The following FGGY variants were observed in gnomAD, a reference collection of about 807,000 sequenced individuals.
FGGY encodes the protein FGGY carbohydrate kinase domain-containing protein.
In FGGY, 72 loss-of-function variants were observed where a neutral mutation model predicts 71.3. That is an observed-to-expected ratio of 1.01 (90% confidence interval 0.84 to 1.23). The LOEUF (loss-of-function observed/expected upper bound fraction) is 1.23. Among genes scored for constraint, FGGY ranks in the 50% most tolerant of loss-of-function variants. The pLI is 0.00. For synonymous variants in FGGY, 251 were observed against 250.3 expected (o/e 1.00, Z -0.02); for missense variants, 668 against 682.3 (o/e 0.98, Z 0.23).
At chr1:59,471,373 C>T (rs1015883608) in intron 6 of FGGY, among the ~76,000 whole-genome samples, 5 of 152,156 alleles carry the variant, frequency 3.3e-5, no homozygotes, top group Non-Finnish European at 7.3e-5. Flanking sequence ...TACACAGTCT[C>T]AGGTATTTCT....
intron 14 of FGGY, among the ~76,000 whole-genome samples, chr1:59,721,695 A>G (rs2097897697): frequency 6.6e-6 from 1 of 152,158 alleles, no homozygotes; most frequent in South Asian, 2.1e-4. Context: ...AACATCTTAC[A>G]TTAGTATGGT....
At position 59,653,002 on chromosome 1, in the gene FGGY, A is replaced by G. The variant is rs1455267754; in HGVS notation, c.1222-7217A>G. Among the ~76,000 whole-genome samples the G allele has an allele frequency of 6.6e-5, 10 of 151,624 alleles. No individual in the cohort carries two copies. The South Asian group carries it at 1.0e-3, about 16-fold the overall frequency. On this transcript the variant is annotated intron_variant, in intron 11 of 15. Coordinates refer to ENST00000303721, the MANE Select transcript of FGGY (RefSeq NM_018291.5). ...GACCCTCAGCTGCAGGTCTGTTGGAATACCCTGCCGTGTGAGGTGTCAGTG... is the reference window on the plus strand; with the variant it reads ...GACCCTCAGCTGCAGGTCTGTTGGAGTACCCTGCCGTGTGAGGTGTCAGTG...
At chr1:59,560,180 C>A (rs1234848287) in intron 8 of FGGY, among the ~76,000 whole-genome samples, 1 of 152,148 alleles carries the variant, frequency 6.6e-6, no homozygotes, top group East Asian at 1.9e-4. Flanking sequence ...TTGTGTTCAT[C>A]CCCCAATCCT....
chr1:59,345,177 C>T (rs1047492645), intron 3 of FGGY, among the ~76,000 whole-genome samples: 1 of 152,180 alleles, frequency 6.6e-6, no homozygotes, highest in Non-Finnish European at 1.5e-5. Context: ...GACAAACACA[C>T]ATTACAAACA....
chr1:59,373,932 A>T (rs1030832793), intron 4 of FGGY, among the ~76,000 whole-genome samples: 2 of 152,230 alleles, frequency 1.3e-5, no homozygotes, highest in African/African-American at 2.4e-5. Flanking sequence ...TAAACGTTAG[A>T]CCTAAAACCA....
At chr1:59,422,910 A>G (rs2065708571) in intron 5 of FGGY, among the ~76,000 whole-genome samples, 1 of 152,188 alleles carries the variant, frequency 6.6e-6, no homozygotes, top group African/African-American at 2.4e-5. Context: ...TGCAATGATT[A>G]TTACCCAATT....
At position 59,481,727 on chromosome 1, in the gene FGGY, A is replaced by G. The variant is rs377544167; in HGVS notation, c.670+24651A>G. On this transcript the variant is annotated intron_variant, in intron 6 of 15. Coordinates refer to ENST00000303721, the MANE Select transcript of FGGY (RefSeq NM_018291.5). Reference sequence around the variant, plus strand: ...AGACATACCGTTGTACAATGTCATTATTTTAGGTATTGTATTTGCAAGGCC... The same window carrying G: ...AGACATACCGTTGTACAATGTCATTGTTTTAGGTATTGTATTTGCAAGGCC... Among the ~76,000 whole-genome samples the G allele has an allele frequency of 1.4e-3, 208 of 152,168 alleles. 3 individuals carry two copies. Among genetic ancestry groups the G allele is most frequent in the African/African-American group, 4.9e-3 (204 of 41,520 alleles).
At chr1:59,640,613 T>C (rs1012012026) in intron 11 of FGGY, among the ~76,000 whole-genome samples, 16 of 142,228 alleles carry the variant, frequency 1.1e-4, no homozygotes, top group Non-Finnish European at 4.5e-5. Flanking sequence ...AACGTTTCCC[T>C]GGACACAGAG....
intron 14 of FGGY, among the ~76,000 whole-genome samples, chr1:59,720,633 G>T (rs2097882763): frequency 6.6e-6 from 1 of 152,174 alleles, no homozygotes; most frequent in African/African-American, 2.4e-5. Flanking sequence ...CATGCCTTAG[G>T]CATCTTCCAG....
chr1:59,600,407 A>G (rs1051768497), intron 8 of FGGY, among the ~76,000 whole-genome samples: 5 of 152,214 alleles, frequency 3.3e-5, no homozygotes, highest in Admixed American at 2.6e-4. Context: ...GGAGCTCAGG[A>G]GCAAGGCCTG....
intron 2 of FGGY, among the ~76,000 whole-genome samples, chr1:59,325,661 T>C (rs1439625203): frequency 6.6e-6 from 1 of 152,198 alleles, no homozygotes; most frequent in Non-Finnish European, 1.5e-5. Context: ...ACAAATTAGG[T>C]GCTCAATTAA....
At chr1:59,673,453 G>C (rs76592348) in intron 13 of FGGY, among the ~76,000 whole-genome samples, 266 of 152,306 alleles carry the variant, frequency 1.7e-3, no homozygotes, top group Non-Finnish European at 3.1e-3. Context: ...ATATCAGAGA[G>C]GGAGAAGTGG....
chr1:59,452,004 C>CT (rs2072850697), intron 5 of FGGY, among the ~76,000 whole-genome samples: 1 of 151,714 alleles, frequency 6.6e-6, no homozygotes, highest in Admixed American at 6.6e-5. Context: ...GGGCTTAAAT[C>CT]TTACTTCAGT....
At chr1:59,483,240 A>G (rs1335450905) in intron 6 of FGGY, among the ~76,000 whole-genome samples, 1 of 152,160 alleles carries the variant, frequency 6.6e-6, no homozygotes, top group Non-Finnish European at 1.5e-5. Flanking sequence ...GAAAATTCTC[A>G]ACATGAATGG....
chr1:59,382,527 T>C (rs1312731460), intron 5 of FGGY, among the ~76,000 whole-genome samples: 1 of 152,186 alleles, frequency 6.6e-6, no homozygotes, highest in Non-Finnish European at 1.5e-5. Flanking sequence ...TTAGTCACCA[T>C]TATGGTTATC....
chr1:59,337,048 C>CATATATATATATAT (rs35698016), intron 2 of FGGY, among the ~76,000 whole-genome samples: 30 of 142,018 alleles, frequency 2.1e-4, no homozygotes, highest in African/African-American at 7.9e-4. Context: ...TGTATATAGT[C>CATATATATATATAT]ATATATATAT....
intron 6 of FGGY, among the ~76,000 whole-genome samples, chr1:59,505,196 T>C (rs1348723112): frequency 6.6e-6 from 1 of 152,206 alleles, no homozygotes; most frequent in Non-Finnish European, 1.5e-5. Context: ...ATGTAATAAC[T>C]ACAAGATGGC....
chr1:59,582,070 G>A (rs1312188414), intron 8 of FGGY, among the ~76,000 whole-genome samples: 1 of 149,292 alleles, frequency 6.7e-6, no homozygotes, highest in Non-Finnish European at 1.5e-5. Context: ...GCAACATAGT[G>A]AGACCCTTCT....
rs142219407 is a variant in FGGY, at chr1:59,548,348, G to A, written c.800-5776G>A. Among the ~76,000 whole-genome samples the A allele has an allele frequency of 8.5e-5, 13 of 152,266 alleles. No homozygotes were observed. In the East Asian group the frequency reaches 2.3e-3, roughly 27 times the overall value. On this transcript the variant is annotated intron_variant, in intron 7 of 15. Transcript: ENST00000303721. ...CCATATGGAACCCTGCTCATGCCAG[G>A]CAATTCTGCAGGTCGTGGATGGCGT...
Sources: gnomAD v4.1 joint callset for allele counts (sites outside exome capture counted in the v4.1 genomes callset) on GRCh38, gnomAD v4.1.1 for gene constraint, MANE v1.5 for transcripts, NCBI Gene and HGNC (gene_info 2026-07-23, HGNC 2026-07-21) for gene names.